WWOX: variants seen among roughly 807,000 people sequenced by gnomAD.
WWOX encodes WW domain containing oxidoreductase, also known as WW domain-containing oxidoreductase.
In WWOX, 69 loss-of-function variants were observed where a neutral mutation model predicts 46.2. That is an observed-to-expected ratio of 1.49 (90% CI 1.23 to 1.82). The LOEUF (loss-of-function observed/expected upper bound fraction) is 1.82. WWOX is among the 40% of genes most tolerant of loss of function. The pLI is 0.00. For missense variants in WWOX, 919 were observed against 542.6 expected (o/e 1.69, Z -6.89); for synonymous variants, 359 against 202.6 (o/e 1.77, Z -6.56).
chr16:78,370,631 C>T (rs2081654404), intron 5 of WWOX, among the ~76,000 whole-genome samples: 1 of 151,848 alleles, frequency 6.6e-6, no homozygotes, highest in Non-Finnish European at 1.5e-5. Context: ...TTGTGTCTAT[C>T]TTTTGTCTTT....
intron 8 of WWOX, among the ~76,000 whole-genome samples, chr16:78,629,700 C>G (rs1567448673): frequency 6.6e-6 from 1 of 152,186 alleles, no homozygotes; most frequent in Non-Finnish European, 1.5e-5. Context: ...TCTTCCCATC[C>G]TGCTTTAGCT....
intron 8 of WWOX, among the ~76,000 whole-genome samples, chr16:78,491,477 T>G (rs1368899007): frequency 1.3e-5 from 2 of 152,194 alleles, no homozygotes; most frequent in Non-Finnish European, 2.9e-5. Context: ...CTTTGTTCTT[T>G]TTTTTGAGAC....
intron 8 of WWOX, among the ~76,000 whole-genome samples, chr16:78,759,626 G>T (rs1597563303): frequency 6.6e-6 from 1 of 152,194 alleles, no homozygotes; most frequent in East Asian, 1.9e-4. Context: ...ACACAGGGAT[G>T]TTAAACTGCA....
intron 8 of WWOX, among the ~76,000 whole-genome samples, chr16:78,575,022 A>AAAT (rs2044824781): frequency 7.1e-5 from 1 of 13,998 alleles, no homozygotes; most frequent in African/African-American, 2.3e-4. Context: ...TATATATATA[A>AAAT]ATATATATAT....
chr16:78,766,122 T>TC (rs1223869778), intron 8 of WWOX, among the ~76,000 whole-genome samples: 1 of 152,148 alleles, frequency 6.6e-6, no homozygotes, highest in African/African-American at 2.4e-5. Flanking sequence ...ACACATACCG[T>TC]CCCCTGATAG....
At chr16:78,830,743 C>G (rs1353554985) in intron 8 of WWOX, among the ~76,000 whole-genome samples, 1 of 151,722 alleles carries the variant, frequency 6.6e-6, no homozygotes, top group Non-Finnish European at 1.5e-5. Context: ...ACGGCATCAG[C>G]TTGTATTGGA....
chr16:78,834,251 G>A (rs902368148), intron 8 of WWOX, among the ~76,000 whole-genome samples: 3 of 152,120 alleles, frequency 2.0e-5, no homozygotes, highest in Non-Finnish European at 4.4e-5. Flanking sequence ...ACATGGAGAG[G>A]CCCAAAAGGC....
At chr16:78,860,628 C>G (rs1051775047) in intron 8 of WWOX, among the ~76,000 whole-genome samples, 2 of 152,158 alleles carry the variant, frequency 1.3e-5, no homozygotes, top group African/African-American at 4.8e-5. Context: ...GCAACAAACA[C>G]AAAATAAATA....
At chr16:78,850,845 G>A (rs2052424969) in intron 8 of WWOX, among the ~76,000 whole-genome samples, 1 of 152,096 alleles carries the variant, frequency 6.6e-6, no homozygotes, top group Admixed American at 6.5e-5. Context: ...GTCTATTTTT[G>A]GTGATTGAGT....
At chr16:78,887,080 GTGTGTGT>G (rs1567627154) in intron 8 of WWOX, among the ~76,000 whole-genome samples, 6,108 of 122,480 alleles carry the variant, frequency 0.05, 311 homozygotes, top group Middle Eastern at 0.077. Flanking sequence ...TGTGTGTGGT[GTGTGTGT>G]GTGTGTGTGT....
intron 8 of WWOX, among the ~76,000 whole-genome samples, chr16:79,045,277 G>A (rs982827007): frequency 6.6e-6 from 1 of 152,152 alleles, no homozygotes; most frequent in Non-Finnish European, 1.5e-5. Flanking sequence ...GCAGCCTCTG[G>A]GATTCAGTGA....
At chr16:78,944,720 C>T (rs977456297) in intron 8 of WWOX, among the ~76,000 whole-genome samples, 12 of 152,084 alleles carry the variant, frequency 7.9e-5, no homozygotes, top group African/African-American at 1.9e-4. Context: ...AACTTGAGAC[C>T]TCCTAGGACT....
intron 8 of WWOX, among the ~76,000 whole-genome samples, chr16:79,119,097 T>C (rs781293495): frequency 1.3e-5 from 2 of 152,124 alleles, no homozygotes; most frequent in Non-Finnish European, 2.9e-5. Context: ...GTGAGACATA[T>C]TGCCAAATTG....
At chr16:78,548,720 T>A (rs2044107210) in intron 8 of WWOX, among the ~76,000 whole-genome samples, 1 of 152,208 alleles carries the variant, frequency 6.6e-6, no homozygotes, top group Non-Finnish European at 1.5e-5. Context: ...GAGATGAAAT[T>A]ATTTTGCCCA....
chr16:78,115,278 A>G (rs890054396), intron 4 of WWOX, 124 bp downstream of exon 4: 9 of 1,149,046 alleles, frequency 7.8e-6, no homozygotes, highest in African/African-American at 3.1e-5. Flanking sequence ...CTTTTCAGAT[A>G]TCGTTTCATT....
At chr16:78,271,877 T>G (rs1041166665) in intron 5 of WWOX, among the ~76,000 whole-genome samples, 1 of 152,170 alleles carries the variant, frequency 6.6e-6, no homozygotes, top group Admixed American at 6.5e-5. Flanking sequence ...GTGAATTTAA[T>G]TAGTCTGCCA....
At chr16:78,825,779 G>A in intron 8 of WWOX, 1 of 594,076 alleles carries the variant, frequency 1.7e-6, no homozygotes, top group East Asian at 3.2e-5. Context: ...CTAGTACATT[G>A]ATGCTGTTGT....
intron 5 of WWOX, among the ~76,000 whole-genome samples, chr16:78,282,762 C>T (rs2079701580): frequency 6.6e-6 from 1 of 151,630 alleles, no homozygotes; most frequent in Non-Finnish European, 1.5e-5. Context: ...CCTGTAGTCC[C>T]AGTTACTCAG....
At chr16:78,355,615 T>G (rs2081269665) in intron 5 of WWOX, 1 of 569,456 alleles carries the variant, frequency 1.8e-6, no homozygotes, top group East Asian at 4.3e-5. Flanking sequence ...AGCGAATTTG[T>G]GTGAAAATGA....
Sources: gnomAD v4.1 joint callset for allele counts (sites outside exome capture counted in the v4.1 genomes callset) on GRCh38, gnomAD v4.1.1 for gene constraint, MANE v1.5 for transcripts, NCBI Gene and HGNC (gene_info 2026-07-23, HGNC 2026-07-21) for gene names.